Variants in OPCML observed in about 807,000 individuals in gnomAD.
OPCML encodes the protein opioid binding protein/cell adhesion molecule like.
In OPCML, 13 loss-of-function variants were observed where a neutral mutation model predicts 37.8. That is an observed-to-expected ratio of 0.34 (90% CI 0.22 to 0.55). The LOEUF (loss-of-function observed/expected upper bound fraction) is 0.55. Ranked by LOEUF, OPCML falls within the 20% of genes least tolerant of loss-of-function variation. The pLI, the probability that OPCML is intolerant of heterozygous loss-of-function variation, is 0.91. For missense variants in OPCML, 341 were observed against 435.6 expected (o/e 0.78, Z 1.93); for synonymous variants, 176 against 168.8 (o/e 1.04, Z -0.33).
chr11:132,468,458 C>T (rs1009849901), intron 4 of OPCML, among the ~76,000 whole-genome samples: 2 of 152,150 alleles, frequency 1.3e-5, no homozygotes, highest in African/African-American at 2.4e-5. Context: ...GATCTGCACT[C>T]GTTATGTTGC....
chr11:133,519,796 G>C (rs1050236460), intron 1 of OPCML, among the ~76,000 whole-genome samples: 5 of 152,180 alleles, frequency 3.3e-5, no homozygotes, highest in Non-Finnish European at 5.9e-5. Context: ...ACGTGTGCCT[G>C]CCAGACAAAC....
intron 1 of OPCML, among the ~76,000 whole-genome samples, chr11:133,168,873 A>T (rs1007630158): frequency 7.9e-5 from 12 of 152,210 alleles, no homozygotes; most frequent in African/African-American, 2.9e-4. Context: ...TCACTCCTGT[A>T]ATCCCAGTAC....
intron 1 of OPCML, among the ~76,000 whole-genome samples, chr11:133,357,574 A>G (rs943594715): frequency 6.6e-6 from 1 of 152,168 alleles, no homozygotes; most frequent in African/African-American, 2.4e-5. Flanking sequence ...GTCTTCTCAA[A>G]TCTCATCTTT....
intron 1 of OPCML, among the ~76,000 whole-genome samples, chr11:133,238,121 T>C (rs935783677): frequency 2.0e-5 from 3 of 152,220 alleles, no homozygotes; most frequent in African/African-American, 7.2e-5. Flanking sequence ...AGTATCAATT[T>C]TAAGTCTGTC....
chr11:133,115,982 A>ATT (rs1422533843), intron 1 of OPCML, among the ~76,000 whole-genome samples: 2 of 151,602 alleles, frequency 1.3e-5, no homozygotes, highest in Non-Finnish European at 2.9e-5. Flanking sequence ...ATATATATAT[A>ATT]TTTTTGAGAC....
At chr11:132,750,868 C>T (rs1945807337) in intron 2 of OPCML, among the ~76,000 whole-genome samples, 1 of 151,832 alleles carries the variant, frequency 6.6e-6, no homozygotes, top group Admixed American at 6.6e-5. Flanking sequence ...GCATTTACCC[C>T]ACCCTTCCAC....
chr11:132,462,217 C>T (rs977974841), intron 4 of OPCML, among the ~76,000 whole-genome samples: 2 of 152,074 alleles, frequency 1.3e-5, no homozygotes, highest in African/African-American at 4.8e-5. Flanking sequence ...CCCACCGCAC[C>T]GCCCCCGCCA....
intron 3 of OPCML, among the ~76,000 whole-genome samples, chr11:132,635,279 T>C (rs1160257917): frequency 6.6e-6 from 1 of 152,148 alleles, no homozygotes; most frequent in Non-Finnish European, 1.5e-5. Flanking sequence ...AAAATAAAAA[T>C]TGGTATATTT....
chr11:132,656,827 G>A (rs866649705), intron 3 of OPCML, among the ~76,000 whole-genome samples: 1 of 152,208 alleles, frequency 6.6e-6, no homozygotes, highest in South Asian at 2.1e-4. Flanking sequence ...ACTTACGAGA[G>A]CTCAATACGA....
intron 1 of OPCML, among the ~76,000 whole-genome samples, chr11:133,266,249 T>G (rs780396608): frequency 1.3e-5 from 2 of 152,100 alleles, no homozygotes; most frequent in Non-Finnish European, 2.9e-5. Context: ...CTAGCACACT[T>G]TGGCTCCATC....
chr11:132,605,877 A>C (rs1938258479), intron 3 of OPCML, among the ~76,000 whole-genome samples: 1 of 152,208 alleles, frequency 6.6e-6, no homozygotes, highest in Non-Finnish European at 1.5e-5. Flanking sequence ...TAAGTGAACA[A>C]ATGAATGAGA....
intron 2 of OPCML, among the ~76,000 whole-genome samples, chr11:132,741,714 A>C (rs1225939809): frequency 1.3e-5 from 2 of 152,164 alleles, no homozygotes; most frequent in Non-Finnish European, 2.9e-5. Context: ...TTCATTTAAA[A>C]AATCATATTA....
At chr11:132,915,304 T>A (rs1421013049) in intron 2 of OPCML, among the ~76,000 whole-genome samples, 1 of 152,188 alleles carries the variant, frequency 6.6e-6, no homozygotes, top group African/African-American at 2.4e-5. Context: ...GCTTTTTACC[T>A]CCCGGTGAGG....
intron 1 of OPCML, among the ~76,000 whole-genome samples, chr11:133,294,815 CTT>C (rs59382534): frequency 3.9e-4 from 22 of 56,552 alleles, no homozygotes; most frequent in African/African-American, 1.5e-3. Flanking sequence ...TTCTTTCTTT[CTT>C]TTTTTTTTTT....
At chr11:133,416,000 C>T (rs942579320) in intron 1 of OPCML, among the ~76,000 whole-genome samples, 3 of 152,140 alleles carry the variant, frequency 2.0e-5, no homozygotes, top group South Asian at 2.1e-4. Flanking sequence ...CTAAAACCTC[C>T]GAAAAGAAAC....
intron 1 of OPCML, among the ~76,000 whole-genome samples, chr11:133,087,782 A>C (rs1272668141): frequency 6.6e-6 from 1 of 152,242 alleles, no homozygotes; most frequent in African/African-American, 2.4e-5. Flanking sequence ...GCTTGACAGC[A>C]AATGCTGATG....
At chr11:133,495,302 A>T (rs1047226151) in intron 1 of OPCML, among the ~76,000 whole-genome samples, 1 of 152,074 alleles carries the variant, frequency 6.6e-6, no homozygotes, top group Non-Finnish European at 1.5e-5. Context: ...CCACTCATTG[A>T]TTGATTGGTA....
Position 132,610,628 on chromosome 11 carries a change from C to G in OPCML, c.379+46459G>C, listed in dbSNP as rs575529425. Among the ~76,000 whole-genome samples the G allele has an allele frequency of 3.1e-4, 47 of 152,184 alleles. 2 individuals are homozygous for G. The South Asian group carries it at 9.8e-3, about 32-fold the overall frequency. On this transcript the variant is annotated intron_variant, in intron 3 of 7. Transcript: ENST00000524381. ...ACTAGGGGAGTGGGTGGGGGATGCT[C>G]GATGGTCTTTGTCATTACTTGCAGC...
At chr11:133,015,083 T>C (rs1947295303) in intron 1 of OPCML, among the ~76,000 whole-genome samples, 1 of 152,180 alleles carries the variant, frequency 6.6e-6, no homozygotes, top group African/African-American at 2.4e-5. Context: ...TAATGTTCTC[T>C]TCTAAATTAA....
Sources: gnomAD v4.1 joint callset for allele counts (sites outside exome capture counted in the v4.1 genomes callset) on GRCh38, gnomAD v4.1.1 for gene constraint, MANE v1.5 for transcripts, NCBI Gene and HGNC (gene_info 2026-07-23, HGNC 2026-07-21) for gene names.